Variants in EXOC6B observed in about 807,000 individuals in gnomAD.
EXOC6B encodes the protein exocyst complex component 6B.
Under a neutral mutation model 113.5 loss-of-function variants are expected in EXOC6B, and 54 were observed. That is an observed-to-expected ratio of 0.48 (90% CI 0.38 to 0.60). The LOEUF (loss-of-function observed/expected upper bound fraction) is 0.60, where lower values mean the gene tolerates loss of function less well. EXOC6B is among the 20% of genes least tolerant of loss of function. The pLI is 0.00. For synonymous variants in EXOC6B, 357 were observed against 339.0 expected (o/e 1.05, Z -0.58); for missense variants, 797 against 977.5 (o/e 0.82, Z 2.46).
chr2:72,365,852 G>T lies in EXOC6B; in HGVS notation c.2122+13877C>A, dbSNP rs778699826. ...TCCAAGCTATCCAAAGCATCATGCA[G>T]AATTCTCCCAAGGGTACTGCTTTAG... On this transcript the variant is annotated intron_variant, in intron 19 of 21. Coordinates refer to ENST00000272427, the MANE Select transcript of EXOC6B (RefSeq NM_015189.3). 3.3e-5 allele frequency among the ~76,000 whole-genome samples: 5 copies of T among 152,220 alleles called. No individual in the cohort carries two copies. The South Asian group carries it at 1.0e-3, about 32-fold the overall frequency.
intron 1 of EXOC6B, among the ~76,000 whole-genome samples, chr2:72,787,951 A>C (rs1684468493): frequency 6.6e-6 from 1 of 152,248 alleles, no homozygotes; most frequent in Non-Finnish European, 1.5e-5. Flanking sequence ...CATGAATAAA[A>C]GACTTTTTTT....
At chr2:72,653,323 G>A (rs997585334) in intron 6 of EXOC6B, among the ~76,000 whole-genome samples, 5 of 140,316 alleles carry the variant, frequency 3.6e-5, no homozygotes, top group East Asian at 2.2e-4. Flanking sequence ...ACCAAACACC[G>A]CATATTCTCA....
intron 20 of EXOC6B, among the ~76,000 whole-genome samples, chr2:72,320,699 G>A (rs1191493413): frequency 6.6e-6 from 1 of 152,114 alleles, no homozygotes; most frequent in African/African-American, 2.4e-5. Flanking sequence ...CACACAGAGC[G>A]TGAGACATGA....
chr2:72,639,779 A>T (rs1021662119), intron 6 of EXOC6B, among the ~76,000 whole-genome samples: 1 of 152,228 alleles, frequency 6.6e-6, no homozygotes, highest in Non-Finnish European at 1.5e-5. Context: ...AAAATCTTCC[A>T]GAAACAAAGC....
intron 6 of EXOC6B, among the ~76,000 whole-genome samples, chr2:72,617,002 C>T (rs1026403196): frequency 3.3e-5 from 5 of 152,166 alleles, no homozygotes; most frequent in African/African-American, 1.2e-4. Flanking sequence ...TGGGTGAATA[C>T]AGCCATTCCA....
chr2:72,234,269 A>G (rs1681820438), intron 20 of EXOC6B, among the ~76,000 whole-genome samples: 1 of 151,928 alleles, frequency 6.6e-6, no homozygotes, highest in Non-Finnish European at 1.5e-5. Flanking sequence ...TATTTTTAGT[A>G]GAGACGGGTT....
At chr2:72,561,685 T>G (rs1208453649) in intron 7 of EXOC6B, among the ~76,000 whole-genome samples, 1 of 152,134 alleles carries the variant, frequency 6.6e-6, no homozygotes, top group Non-Finnish European at 1.5e-5. Flanking sequence ...ACTAATGGGC[T>G]AAGACTGGTT....
chr2:72,672,201 CAAAA>C (rs61678584), intron 6 of EXOC6B, among the ~76,000 whole-genome samples: 1 of 105,808 alleles, frequency 9.5e-6, no homozygotes, highest in Non-Finnish European at 2.0e-5. Context: ...GGTATATATC[CAAAA>C]AAAAAAAAAA....
chr2:72,467,728 C>T (rs1558697853), intron 17 of EXOC6B, among the ~76,000 whole-genome samples: 1 of 151,964 alleles, frequency 6.6e-6, no homozygotes, highest in Non-Finnish European at 1.5e-5. Context: ...GAAATGCATG[C>T]CTTGTCAGCT....
chr2:72,346,139 G>C (rs1325706269), intron 19 of EXOC6B, among the ~76,000 whole-genome samples: 1 of 151,978 alleles, frequency 6.6e-6, no homozygotes, highest in Non-Finnish European at 1.5e-5. Flanking sequence ...TGCCAAACCA[G>C]TACTCCAAAT....
rs930697827 is a variant in EXOC6B at position 72,633,184 on chromosome 2, G to T, written c.670-57516C>A. 2.6e-5 allele frequency among the ~76,000 whole-genome samples: 4 copies of T among 152,048 alleles called. No homozygotes were observed. The South Asian group carries it at 8.3e-4, about 32-fold the overall frequency. On this transcript the variant is annotated intron_variant, in intron 6 of 21. Transcript: ENST00000272427. The stretch of plus-strand genomic sequence containing the variant: ...TAAGCAAGTTAACAAAAAGTATTCC[G>T]TCTGCCATCAGGTGGAGGCACGAGG...
At chr2:72,653,685 T>C (rs1357304817) in intron 6 of EXOC6B, among the ~76,000 whole-genome samples, 1 of 148,148 alleles carries the variant, frequency 6.8e-6, no homozygotes, top group Admixed American at 6.7e-5. Flanking sequence ...AAATTATACC[T>C]CTAAAAGAGG....
At chr2:72,366,285 A>C (rs1297248929) in intron 19 of EXOC6B, among the ~76,000 whole-genome samples, 1 of 152,052 alleles carries the variant, frequency 6.6e-6, no homozygotes, top group East Asian at 1.9e-4. Context: ...AAAAGTAAAA[A>C]AAAAAACACC....
chr2:72,270,290 G>A (rs1573139252), intron 20 of EXOC6B, among the ~76,000 whole-genome samples: 1 of 152,216 alleles, frequency 6.6e-6, no homozygotes, highest in East Asian at 1.9e-4. Flanking sequence ...AAGAAGCCTG[G>A]AAGGAGTAGG....
At chr2:72,246,777 C>T (rs1682693821) in intron 20 of EXOC6B, among the ~76,000 whole-genome samples, 1 of 152,122 alleles carries the variant, frequency 6.6e-6, no homozygotes, top group South Asian at 2.1e-4. Flanking sequence ...TGCACCCAGC[C>T]TGGAATATGT....
chr2:72,373,445 G>C (rs1558603440), intron 19 of EXOC6B, among the ~76,000 whole-genome samples: 1 of 152,118 alleles, frequency 6.6e-6, no homozygotes. Context: ...AAAAGTTTAT[G>C]CACAGCAAAG....
chr2:72,178,332 A>G lies in EXOC6B; in HGVS notation c.*1003T>C, dbSNP rs1012127451. On this transcript the variant is annotated 3_prime_UTR_variant, in exon 22 of 22. Transcript: ENST00000272427. ...ATAACCAAAAAGCTGGTTTTAAAAC[A>G]TAAAGGAACAATCCCAACTAATCCT... is the stretch of plus-strand genomic sequence containing the variant. 1.3e-5 allele frequency: 2 copies of G among 152,294 alleles called. No individual in the cohort carries two copies. The highest frequency in any genetic ancestry group is 6.5e-5 in the Admixed American group (1 of 15,290). 9.4% of individuals were successfully genotyped at this position (152,294 alleles called of 1,614,324 possible).
At chr2:72,744,098 T>A (rs1221482543) in intron 1 of EXOC6B, among the ~76,000 whole-genome samples, 1 of 152,180 alleles carries the variant, frequency 6.6e-6, no homozygotes, top group Non-Finnish European at 1.5e-5. Flanking sequence ...AGCAACATAC[T>A]GTACAGGTTT....
intron 18 of EXOC6B, among the ~76,000 whole-genome samples, chr2:72,453,763 T>C (rs955936625): frequency 3.9e-5 from 6 of 152,220 alleles, no homozygotes; most frequent in African/African-American, 1.4e-4. Flanking sequence ...CCCACAACTT[T>C]AGCATCAATA....
Sources: allele counts gnomAD v4.1 joint callset (sites outside exome capture counted in the v4.1 genomes callset), GRCh38; gene constraint gnomAD v4.1.1; transcripts MANE v1.5; gene names NCBI Gene and HGNC (gene_info 2026-07-23, HGNC 2026-07-21).